Variants in ZNF264 observed in about 807,000 individuals in gnomAD.
ZNF264 encodes the protein zinc finger protein 264.
Under a neutral mutation model 11.2 loss-of-function variants are expected in ZNF264, and 11 were observed. The observed-to-expected ratio is 0.98, with a 90% CI of 0.62 to 1.63. The LOEUF is 1.63. Ranked by LOEUF, ZNF264 falls within the 40% of genes most tolerant of loss-of-function variation. ZNF264 has a pLI of 0.00. For missense variants in ZNF264, 752 were observed against 768.1 expected (o/e 0.98, Z 0.25); for synonymous variants, 309 against 279.8 (o/e 1.10, Z -1.04).
In ZNF264 at chr19:57,212,126, T is replaced by C; in HGVS notation, c.1029T>C (p.Tyr343=). ...TTGTCCACAGTGGTGAGAATCCCTATGAGTGCTTGGAGTGTGGCAAGGTCT... is the reference window on the plus strand; with the variant it reads ...TTGTCCACAGTGGTGAGAATCCCTACGAGTGCTTGGAGTGTGGCAAGGTCT... ...HYVVHSGENP[Y]ECLECGKVFK... The change falls in exon 4 of 4, where the codon TAT becomes TAC. Residue 343 remains tyrosine (Y), a synonymous_variant. Coordinates refer to ENST00000263095, the MANE Select transcript of ZNF264 (RefSeq NM_003417.5). 1 of 1,614,202 alleles carries C rather than the reference T, an allele frequency of 6.2e-7. No individual in the cohort carries two copies. Among genetic ancestry groups the C allele is most frequent in the African/African-American group, 1.3e-5 (1 of 75,040 alleles).
rs761405499 is a variant in ZNF264, at chr19:57,212,893, C to G, written c.1796C>G (p.Thr599Ser). 6.2e-7 allele frequency: 1 copy of G among 1,614,092 alleles called. No individual in the cohort carries two copies. The highest frequency in any genetic ancestry group is 1.3e-5 in the African/African-American group (1 of 74,930). Residue 599 changes from threonine to serine, a missense_variant, in exon 4 of 4, where the codon ACT (threonine) becomes AGT (serine). By Grantham distance (58) the Thr-to-Ser change is moderately conservative. Coordinates refer to ENST00000263095, the MANE Select transcript of ZNF264 (RefSeq NM_003417.5). ...LLGKDFLNVT[T>S]EANILPEETS... ...GGGAAGGACTTTTTGAATGTAACCA[C>G]TGAGGCAAATATTTTGCCAGAGGAA... is the stretch of plus-strand genomic sequence containing the variant.
chr19:57,220,269 T>G lies in ZNF264; in HGVS notation c.*7288T>G, dbSNP rs1486074245. On this transcript the variant is annotated 3_prime_UTR_variant, in exon 4 of 4. Transcript: ENST00000263095. ...TCTGTTACTCTCATTCGACAATACA[T>G]CTTGACTGTTTCTTCAACTTGAGGA... 1 of 152,228 alleles carries G rather than the reference T, an allele frequency of 6.6e-6. No homozygotes were observed. The highest frequency in any genetic ancestry group is 2.4e-5 in the African/African-American group (1 of 41,460). 9.4% of individuals were successfully genotyped at this position (152,228 alleles called of 1,614,324 possible).
In ZNF264 at chr19:57,215,782, T is replaced by C. The variant is rs1240314379; in HGVS notation, c.*2801T>C. The C allele has an allele frequency of 1.3e-5, 2 of 152,254 alleles. No homozygotes were observed. Among genetic ancestry groups the C allele is most frequent in the East Asian group, 3.8e-4 (2 of 5,200 alleles). 9.4% of individuals were successfully genotyped at this position (152,254 alleles called of 1,614,324 possible). On this transcript the variant is annotated 3_prime_UTR_variant, in exon 4 of 4. Coordinates refer to ENST00000263095, the MANE Select transcript of ZNF264 (RefSeq NM_003417.5). Reference sequence around the variant, plus strand: ...TCTCTCTTAGCCATGAATTATTTAATAGTATGCTTAATTTTCTGGTGTTTG... The same window carrying C: ...TCTCTCTTAGCCATGAATTATTTAACAGTATGCTTAATTTTCTGGTGTTTG...
chr19:57,192,200 C>A, intron 1 of ZNF264: 1 of 435,338 alleles, frequency 2.3e-6, no homozygotes, highest in Non-Finnish European at 3.1e-6. Flanking sequence ...CAAGCATTCT[C>A]TGGTGGACCA....
intron 2 of ZNF264, chr19:57,194,713 AG>A (rs373096703): frequency 3.8e-5 from 15 of 396,208 alleles, no homozygotes; most frequent in African/African-American, 6.2e-5. Context: ...ACCCAGATTA[AG>A]GGGGGGGTCT....
chr19:57,207,332 C>T (rs926213426), intron 3 of ZNF264, among the ~76,000 whole-genome samples: 2 of 152,108 alleles, frequency 1.3e-5, no homozygotes, highest in African/African-American at 2.4e-5. Flanking sequence ...AAGAAAGTCT[C>T]CTGTCTTGTA....
At chr19:57,207,720 G>C (rs957644917) in intron 3 of ZNF264, among the ~76,000 whole-genome samples, 11 of 149,956 alleles carry the variant, frequency 7.3e-5, no homozygotes, top group African/African-American at 2.5e-4. Flanking sequence ...TCGCTTGTTT[G>C]TTTTTTGTTT....
intron 2 of ZNF264, among the ~76,000 whole-genome samples, chr19:57,202,073 G>A (rs1472257114): frequency 1.3e-5 from 2 of 151,800 alleles, no homozygotes; most frequent in Admixed American, 6.6e-5. Flanking sequence ...TCTGGGCGTG[G>A]TGGCACATGC....
chr19:57,211,958 C>G lies in ZNF264; in HGVS notation c.861C>G (p.Tyr287Ter). 6.2e-7 allele frequency: 1 copy of G among 1,613,686 alleles called. No homozygotes were observed. The highest frequency in any genetic ancestry group is 8.5e-7 in the Non-Finnish European group (1 of 1,179,926). Residue 287 changes from tyrosine to a stop codon, truncating the protein, a stop_gained, in exon 4 of 4, where the codon TAC becomes TAG. Coordinates refer to ENST00000263095, the MANE Select transcript of ZNF264 (RefSeq NM_003417.5). LOFTEE classifies it low-confidence loss of function (END_TRUNC). ...GGATTCACAGTGGAGAGAAGCCTTACAAGTGCAATGAATGCGGAAAGGCCT... is the reference window on the plus strand; with the variant it reads ...GGATTCACAGTGGAGAGAAGCCTTAGAAGTGCAATGAATGCGGAAAGGCCT... ...HQRIHSGEKP[Y>*]KCNECGKAFT...
chr19:57,202,202 C>G (rs2087258311), intron 2 of ZNF264, among the ~76,000 whole-genome samples: 1 of 151,432 alleles, frequency 6.6e-6, no homozygotes, highest in African/African-American at 2.4e-5. Flanking sequence ...AGAGTGAGAC[C>G]CTGTCTCAAA....
At position 57,213,027 on chromosome 19, in the gene ZNF264, A is replaced by C. The variant is rs1217790146; in HGVS notation, c.*46A>C. On this transcript the variant is annotated 3_prime_UTR_variant, in exon 4 of 4. Transcript: ENST00000263095. ...TATTACTTGTCATCTGAAGAGTCAT[A>C]TTAGAAATTCGTTCAGTCTAGAGCC... The C allele has an allele frequency of 6.4e-7, 1 of 1,553,354 alleles. No individual in the cohort carries two copies. The highest frequency in any genetic ancestry group is 1.4e-5 in the African/African-American group (1 of 72,932).
intron 3 of ZNF264, among the ~76,000 whole-genome samples, chr19:57,208,766 G>GT (rs1038867348): frequency 2.0e-5 from 3 of 152,068 alleles, no homozygotes; most frequent in African/African-American, 7.2e-5. Flanking sequence ...CATTCCCTTT[G>GT]TTTTCTAAAG....
chr19:57,203,854 C>T (rs11666314), intron 2 of ZNF264, among the ~76,000 whole-genome samples: 3 of 151,798 alleles, frequency 2.0e-5, no homozygotes, highest in Non-Finnish European at 2.9e-5. Context: ...AAGGGGAGCC[C>T]GAACCCTGGT....
chr19:57,194,210 A>T (rs915080041), intron 2 of ZNF264: 1 of 639,566 alleles, frequency 1.6e-6, no homozygotes, highest in Non-Finnish European at 2.4e-6. Flanking sequence ...TCCCAGCCAA[A>T]GGAGAAGGTG....
In ZNF264 at chr19:57,217,308, A is replaced by G. The variant is rs945530131; in HGVS notation, c.*4327A>G. 5.3e-5 allele frequency: 8 copies of G among 152,204 alleles called. No homozygotes were observed. Among genetic ancestry groups the G allele is most frequent in the African/African-American group, 1.9e-4 (8 of 41,448 alleles). 9.4% of individuals were successfully genotyped at this position (152,204 alleles called of 1,614,324 possible). A position where few individuals can be genotyped will look rare whatever the true frequency, so the allele number is the denominator to read the frequency against. On this transcript the variant is annotated 3_prime_UTR_variant, in exon 4 of 4. Coordinates refer to ENST00000263095, the MANE Select transcript of ZNF264 (RefSeq NM_003417.5). Reference sequence around the variant, plus strand: ...ATGACAGTTTAATAAGTTATCAGCAATTTAGCACTTTACTTCCATTAGGTT... The same window carrying G: ...ATGACAGTTTAATAAGTTATCAGCAGTTTAGCACTTTACTTCCATTAGGTT...
In ZNF264 at chr19:57,211,576, G is replaced by A; in HGVS notation, c.479G>A (p.Gly160Asp). Residue 160 changes from glycine (G) to aspartate (D), a missense_variant, in exon 4 of 4, where the codon GGT becomes GAT. Transcript: ENST00000263095. ...GGGAAGATGAGCCCTGAATGTGATG[G>A]TTTAGGGACAGCTGATGGTGTGTGT... ...SPGKMSPECDGLGTADGVCSR... is the reference protein window; with the variant it reads ...SPGKMSPECDDLGTADGVCSR... The A allele has an allele frequency of 6.2e-7, 1 of 1,614,068 alleles. No individual in the cohort carries two copies. The highest frequency in any genetic ancestry group is 1.7e-5 in the Admixed American group (1 of 60,010).
At chr19:57,193,570 A>G (rs2056840163) in intron 1 of ZNF264, 1 of 981,238 alleles carries the variant, frequency 1.0e-6, no homozygotes, top group Non-Finnish European at 1.2e-6. Context: ...TATTGCTATT[A>G]TTACCATTTC....
At chr19:57,193,180 T>G (rs972703974) in intron 1 of ZNF264, among the ~76,000 whole-genome samples, 2 of 152,212 alleles carry the variant, frequency 1.3e-5, no homozygotes, top group East Asian at 3.8e-4. Context: ...ACCCCATGTT[T>G]AGATCCTATC....
chr19:57,193,503 A>T lies in ZNF264; in HGVS notation c.34-372A>T, dbSNP rs1028314336. 3.0e-6 allele frequency: 3 copies of T among 985,438 alleles called. No homozygotes were observed. The East Asian group carries it at 3.4e-4, about 112-fold the overall frequency. 61.0% of individuals were successfully genotyped at this position (985,438 alleles called of 1,614,324 possible). ...GTTTACACAGGATGTGAAGCCTTCAACATGGGGCAGGCACCTAGCTGGACC... is the reference window on the plus strand; with the variant it reads ...GTTTACACAGGATGTGAAGCCTTCATCATGGGGCAGGCACCTAGCTGGACC... On this transcript the variant is annotated intron_variant, in intron 1 of 3. Transcript: ENST00000263095.
Sources: gnomAD v4.1 joint callset for allele counts (sites outside exome capture counted in the v4.1 genomes callset) on GRCh38, gnomAD v4.1.1 for gene constraint, MANE v1.5 for transcripts, NCBI Gene and HGNC (gene_info 2026-07-23, HGNC 2026-07-21) for gene names.